FLT1: variants seen among roughly 807,000 people sequenced by gnomAD.
The protein encoded by FLT1 is vascular endothelial growth factor receptor 1.
Under a neutral mutation model 156.3 loss-of-function variants are expected in FLT1, and 49 were observed. The observed-to-expected ratio is 0.31, with a 90% CI of 0.25 to 0.40. The LOEUF (loss-of-function observed/expected upper bound fraction) is 0.40. FLT1 is among the 10% of genes least tolerant of loss of function. The probability of loss-of-function intolerance (pLI) is 1.00; values close to 1 mark genes in which losing one functional copy is unlikely to be tolerated. For missense variants in FLT1, 1,322 were observed against 1,637.2 expected (o/e 0.81, Z 3.32); for synonymous variants, 594 against 583.8 (o/e 1.02, Z -0.25).
intron 16 of FLT1, among the ~76,000 whole-genome samples, chr13:28,341,081 A>G (rs1872316333): frequency 6.6e-6 from 1 of 152,182 alleles, no homozygotes; most frequent in African/African-American, 2.4e-5. Context: ...AAACCTCGCA[A>G]GGGACATCTT....
At chr13:28,415,381 T>A (rs891239532) in intron 10 of FLT1, among the ~76,000 whole-genome samples, 6 of 152,144 alleles carry the variant, frequency 3.9e-5, no homozygotes, top group African/African-American at 1.4e-4. Flanking sequence ...CCTGGGAGGC[T>A]GAGGTAGGAT....
chr13:28,371,931 A>G lies in FLT1; in HGVS notation c.2116+12954T>C, dbSNP rs546815655. Among the ~76,000 whole-genome samples, 28 of 151,248 alleles carry G rather than the reference A, an allele frequency of 1.9e-4. No individual in the cohort carries two copies. In the South Asian group the frequency reaches 5.6e-3, roughly 30 times the overall value. On this transcript the variant is annotated intron_variant, in intron 14 of 29. Transcript: ENST00000282397. ...CCTGTATTTTCCCATTAGAATGTAA[A>G]TTCAAGGTCCCTGTTTTGTTCCCAG...
chr13:28,434,856 C>G (rs1359419254), intron 4 of FLT1, among the ~76,000 whole-genome samples: 3 of 152,234 alleles, frequency 2.0e-5, no homozygotes, highest in African/African-American at 7.2e-5. Flanking sequence ...GCACTCCAGC[C>G]TGGGTGATAG....
chr13:28,313,640 G>A (rs1871091944), intron 25 of FLT1, among the ~76,000 whole-genome samples: 1 of 152,142 alleles, frequency 6.6e-6, no homozygotes, highest in African/African-American at 2.4e-5. Context: ...AGTCAGACTG[G>A]TCTCCGGGAA....
intron 14 of FLT1, among the ~76,000 whole-genome samples, chr13:28,367,644 A>G (rs1873348587): frequency 6.6e-6 from 1 of 152,216 alleles, no homozygotes; most frequent in Non-Finnish European, 1.5e-5. Context: ...ATAAATCTGT[A>G]GAGCTTTTGA....
chr13:28,370,355 T>C (rs1873504352), intron 14 of FLT1, among the ~76,000 whole-genome samples: 1 of 152,126 alleles, frequency 6.6e-6, no homozygotes, highest in Admixed American at 6.6e-5. Context: ...TTAGGAGATA[T>C]ACCTAATGTT....
At chr13:28,448,515 C>T (rs1878739324) in intron 3 of FLT1, among the ~76,000 whole-genome samples, 3 of 152,110 alleles carry the variant, frequency 2.0e-5, no homozygotes, top group Admixed American at 2.0e-4. Context: ...TCACAAAAGA[C>T]TACAAATTAT....
At chr13:28,342,639 T>G (rs1012127712) in intron 16 of FLT1, among the ~76,000 whole-genome samples, 1 of 152,184 alleles carries the variant, frequency 6.6e-6, no homozygotes, top group Non-Finnish European at 1.5e-5. Context: ...AAATCTAAGG[T>G]CAAATAGCCT....
chr13:28,361,822 A>G (rs1373068231), intron 14 of FLT1, among the ~76,000 whole-genome samples: 2 of 152,156 alleles, frequency 1.3e-5, no homozygotes, highest in African/African-American at 4.8e-5. Flanking sequence ...GGTGACTGGA[A>G]AAGGTGAATT....
At chr13:28,316,070 A>T (rs1258279424) in intron 25 of FLT1, among the ~76,000 whole-genome samples, 1 of 152,240 alleles carries the variant, frequency 6.6e-6, no homozygotes, top group Non-Finnish European at 1.5e-5. Flanking sequence ...CAGCTCTCAG[A>T]AACAGGCCTT....
chr13:28,448,108 C>A (rs1394231205), intron 3 of FLT1, among the ~76,000 whole-genome samples: 1 of 152,168 alleles, frequency 6.6e-6, no homozygotes, highest in Non-Finnish European at 1.5e-5. Flanking sequence ...GACATAATTA[C>A]AAGTGTTGGC....
intron 15 of FLT1, among the ~76,000 whole-genome samples, chr13:28,351,768 A>T (rs1049616820): frequency 6.6e-6 from 1 of 152,268 alleles, no homozygotes; most frequent in Non-Finnish European, 1.5e-5. Context: ...TAAGTCAAAC[A>T]GGAATTCTGT....
At chr13:28,424,036 C>T (rs1033258728) in intron 10 of FLT1, among the ~76,000 whole-genome samples, 18 of 151,864 alleles carry the variant, frequency 1.2e-4, no homozygotes, top group African/African-American at 4.1e-4. Context: ...TTGCAACCTC[C>T]ACCTCCCAGG....
intron 4 of FLT1, among the ~76,000 whole-genome samples, chr13:28,436,530 C>T (rs1200520463): frequency 1.3e-5 from 2 of 152,122 alleles, no homozygotes; most frequent in East Asian, 1.9e-4. Context: ...CCCACCAGCC[C>T]CAGATTTTTA....
chr13:28,489,742 G>A (rs1264994199), intron 1 of FLT1, among the ~76,000 whole-genome samples: 1 of 152,178 alleles, frequency 6.6e-6, no homozygotes, highest in African/African-American at 2.4e-5. Flanking sequence ...CCCAGTGTGT[G>A]TGTGGAGAGA....
Position 28,311,711 on chromosome 13 carries a change from T to G in FLT1, c.3514A>C (p.Ile1172Leu). 1 of 1,614,084 alleles carries G rather than the reference T, an allele frequency of 6.2e-7. No individual in the cohort carries two copies. The highest frequency in any genetic ancestry group is 8.5e-7 in the Non-Finnish European group (1 of 1,179,976). Reference sequence around the variant, plus strand: ...CTATTTCCTGTCAGTATGGCATTGATTGGGATGTAGTCTTTACCATCCTAA... The same window carrying G: ...CTATTTCCTGTCAGTATGGCATTGAGTGGGATGTAGTCTTTACCATCCTAA... ...VQQDGKDYIP[I>L]NAILTGNSGF... is the part of the protein sequence containing the mutation. Residue 1172 changes from isoleucine to leucine, a missense_variant, in exon 27 of 30, where the codon ATC becomes CTC. Ile to Leu is a conservative substitution (Grantham distance 5). This residue lies in a region of FLT1 where 329 missense variants were observed against 366.2 expected (regional missense o/e 0.90). Transcript: ENST00000282397.
At chr13:28,451,555 G>C (rs559857314) in intron 3 of FLT1, among the ~76,000 whole-genome samples, 30 of 152,338 alleles carry the variant, frequency 2.0e-4, no homozygotes, top group Middle Eastern at 6.8e-3. Flanking sequence ...GGGACACTGG[G>C]GACAGTGGGT....
At position 28,438,155 on chromosome 13, in the gene FLT1, C is replaced by T. The variant is rs61763171; in HGVS notation, c.513+66G>A. ...AGGAAATTATTCCAGAAAGATAGAA[C>T]GAGTAAAACTTCATTATGCTTATTT... On this transcript the variant is annotated intron_variant, in intron 4 of 29. Transcript: ENST00000282397. The T allele has an allele frequency of 7.8e-4, 1,184 of 1,508,738 alleles. 7 individuals carry two copies. In the African/African-American group the frequency reaches 0.014, roughly 18 times the overall value. 93.5% of individuals were successfully genotyped at this position (1,508,738 alleles called of 1,614,324 possible).
chr13:28,488,472 T>C (rs1399280106), intron 1 of FLT1, among the ~76,000 whole-genome samples: 1 of 99,596 alleles, frequency 1.0e-5, no homozygotes, highest in Non-Finnish European at 2.1e-5. Flanking sequence ...TTCTCGATTT[T>C]TAATGAAAAA....
Sources: gnomAD v4.1 joint callset for allele counts (sites outside exome capture counted in the v4.1 genomes callset) on GRCh38, gnomAD v4.1.1 for gene constraint, gnomAD v4.1.1 regional missense constraint, MANE v1.5 for transcripts, NCBI Gene and HGNC (gene_info 2026-07-23, HGNC 2026-07-21) for gene names.